SEM1: variants seen among roughly 807,000 people sequenced by gnomAD.
SEM1 encodes the protein SEM1 26S proteasome subunit.
A neutral mutation model predicts 12.7 loss-of-function variants in SEM1; 3 were observed. The observed-to-expected ratio is 0.24, with a 90% CI of 0.11 to 0.61. The LOEUF is 0.61. Ranked by LOEUF, SEM1 falls within the 20% of genes least tolerant of loss-of-function variation. The probability of loss-of-function intolerance (pLI) is 0.88; values close to 1 mark genes in which losing one functional copy is unlikely to be tolerated. For synonymous variants in SEM1, 30 were observed against 27.8 expected (o/e 1.08, Z -0.25); for missense variants, 59 against 81.3 (o/e 0.73, Z 1.06).
intron 2 of SEM1, among the ~76,000 whole-genome samples, chr7:96,520,194 T>G (rs1029481683): frequency 6.6e-6 from 1 of 152,160 alleles, no homozygotes; most frequent in African/African-American, 2.4e-5. Context: ...CTCATCATAC[T>G]GTGTTATTTT....
At chr7:96,605,029 C>G (rs2116211166) in intron 2 of SEM1, among the ~76,000 whole-genome samples, 1 of 152,218 alleles carries the variant, frequency 6.6e-6, no homozygotes, top group Non-Finnish European at 1.5e-5. Flanking sequence ...TACTCAACCT[C>G]CCCATGTGAA....
chr7:96,575,590 C>T (rs1271257092), intron 2 of SEM1, among the ~76,000 whole-genome samples: 1 of 152,202 alleles, frequency 6.6e-6, no homozygotes, highest in East Asian at 1.9e-4. Flanking sequence ...CCCAGGTGCT[C>T]TGTCCCAGGG....
At chr7:96,577,123 A>G (rs933795394) in intron 2 of SEM1, among the ~76,000 whole-genome samples, 8 of 152,182 alleles carry the variant, frequency 5.3e-5, no homozygotes, top group African/African-American at 1.9e-4. Flanking sequence ...GTCAAAAAAA[A>G]AAAAATGGAT....
Position 96,538,498 on chromosome 7 carries a change from A to G in SEM1, c.171-31800T>C, listed in dbSNP as rs150691387. 7.9e-3 allele frequency among the ~76,000 whole-genome samples: 1,192 copies of G among 151,822 alleles called. 15 individuals are homozygous for G. The highest frequency in any genetic ancestry group is 0.024 in the Middle Eastern group (7 of 294). On this transcript the variant is annotated intron_variant and NMD_transcript_variant, in intron 2 of 3. Transcript: ENST00000466986. ...TTTCTGTAGCTATAGGTGCAAAAGGACTCACCTTCCTCTAATGTCTTTGTT... is the reference window on the plus strand; with the variant it reads ...TTTCTGTAGCTATAGGTGCAAAAGGGCTCACCTTCCTCTAATGTCTTTGTT...
chr7:96,488,212 T>G (rs1802850506), intron 1 of SEM1, among the ~76,000 whole-genome samples: 1 of 151,926 alleles, frequency 6.6e-6, no homozygotes, highest in African/African-American at 2.4e-5. Context: ...CCACTCCCAT[T>G]AAATGGGAGG....
chr7:96,490,376 A>G (rs1802957857), intron 1 of SEM1, among the ~76,000 whole-genome samples: 1 of 152,202 alleles, frequency 6.6e-6, no homozygotes, highest in Non-Finnish European at 1.5e-5. Context: ...TTTTATAGGG[A>G]ACATACCTAT....
intron 1 of SEM1, among the ~76,000 whole-genome samples, chr7:96,702,845 A>G (rs1452842741): frequency 2.6e-5 from 4 of 152,230 alleles, no homozygotes; most frequent in Non-Finnish European, 5.9e-5. Flanking sequence ...GAGCACCAGG[A>G]CTACAATGTA....
chr7:96,606,612 TA>T (rs1807388630), intron 2 of SEM1, among the ~76,000 whole-genome samples: 1 of 152,228 alleles, frequency 6.6e-6, no homozygotes, highest in African/African-American at 2.4e-5. Context: ...TTTTCAGAGA[TA>T]TTTTTCATCC....
At chr7:96,608,418 A>G (rs543340047) in intron 2 of SEM1, among the ~76,000 whole-genome samples, 2 of 152,182 alleles carry the variant, frequency 1.3e-5, no homozygotes, top group South Asian at 4.1e-4. Context: ...TTAAAAAGTC[A>G]TTTTATTGAG....
At chr7:96,632,504 G>A (rs1039696627) in intron 2 of SEM1, among the ~76,000 whole-genome samples, 6 of 152,072 alleles carry the variant, frequency 3.9e-5, no homozygotes, top group African/African-American at 1.4e-4. Flanking sequence ...GCTGAACAAT[G>A]AGAACGCATG....
At position 96,598,377 on chromosome 7, in the gene SEM1, T is replaced by C. The variant is rs1035014622; in HGVS notation, c.171-91679A>G. On this transcript the variant is annotated intron_variant and NMD_transcript_variant, in intron 2 of 3. Transcript: ENST00000466986. The stretch of plus-strand genomic sequence containing the variant: ...TACCTTATTTTTTTTAAATATTGTA[T>C]AAAGATTCAGACTTGGATTTTTTTT... Among the ~76,000 whole-genome samples, 20 of 150,864 alleles carry C rather than the reference T, an allele frequency of 1.3e-4. No individual in the cohort carries two copies. The Middle Eastern group carries it at 0.01, about 77-fold the overall frequency.
chr7:96,509,961 C>T (rs1265847163), intron 2 of SEM1, among the ~76,000 whole-genome samples: 1 of 152,034 alleles, frequency 6.6e-6, no homozygotes, highest in Admixed American at 6.6e-5. Flanking sequence ...TGAAAATGTT[C>T]TGGGGACGGA....
At chr7:96,582,312 G>C (rs1308607473) in intron 2 of SEM1, among the ~76,000 whole-genome samples, 4 of 148,960 alleles carry the variant, frequency 2.7e-5, no homozygotes, top group Non-Finnish European at 5.9e-5. Flanking sequence ...TTGCATCCCA[G>C]GGATGAAGCC....
chr7:96,669,928 A>T (rs967223854), downstream of SEM1, among the ~76,000 whole-genome samples: 3 of 152,220 alleles, frequency 2.0e-5, no homozygotes, highest in Non-Finnish European at 4.4e-5. Context: ...GTACAAAATT[A>T]TCTCATTAAT....
intron 2 of SEM1, among the ~76,000 whole-genome samples, chr7:96,552,368 G>T (rs1270753401): frequency 6.6e-6 from 1 of 151,976 alleles, no homozygotes; most frequent in African/African-American, 2.4e-5. Flanking sequence ...AGTCCCCAGA[G>T]TGTGATGTTC....
rs796201840 is a variant in SEM1, at chr7:96,692,803, A to G, written c.170+1995T>C. Among the ~76,000 whole-genome samples, 7 of 152,214 alleles carry G rather than the reference A, an allele frequency of 4.6e-5. No individual in the cohort carries two copies. In the East Asian group the frequency reaches 9.6e-4, roughly 21 times the overall value. On this transcript the variant is annotated intron_variant, in intron 2 of 2. Coordinates refer to ENST00000248566, the MANE Select transcript of SEM1 (RefSeq NM_006304.2). Reference sequence around the variant, plus strand: ...TTTTTATCTTGTCCATAAAACTATAAAAGGAAAAACAACATAATTAAGACA... The same window carrying G: ...TTTTTATCTTGTCCATAAAACTATAGAAGGAAAAACAACATAATTAAGACA...
At chr7:96,702,774 A>C (rs568240133) in intron 1 of SEM1, among the ~76,000 whole-genome samples, 107 of 152,346 alleles carry the variant, frequency 7.0e-4, no homozygotes, top group African/African-American at 2.5e-3. Flanking sequence ...ATTGAAGTGA[A>C]CATCCCCAGT....
intron 2 of SEM1, among the ~76,000 whole-genome samples, chr7:96,614,146 T>C (rs943420429): frequency 1.3e-5 from 2 of 152,212 alleles, no homozygotes; most frequent in African/African-American, 4.8e-5. Flanking sequence ...CTTATCTGTA[T>C]CTACTTGAGG....
intron 2 of SEM1, among the ~76,000 whole-genome samples, chr7:96,512,686 C>G (rs951467357): frequency 1.3e-5 from 2 of 151,938 alleles, no homozygotes. Flanking sequence ...CTCTAAACTC[C>G]CACTATTATT....
Sources: allele counts gnomAD v4.1 joint callset (sites outside exome capture counted in the v4.1 genomes callset), GRCh38; gene constraint gnomAD v4.1.1; transcripts MANE v1.5; gene names NCBI Gene and HGNC (gene_info 2026-07-23, HGNC 2026-07-21).